The following MAST2 variants were observed in gnomAD, a reference collection of about 807,000 sequenced individuals.
The protein encoded by MAST2 is microtubule associated serine/threonine kinase 2.
Under a neutral mutation model 147.4 loss-of-function variants are expected in MAST2, and 70 were observed. The ratio of observed to expected loss-of-function variants is 0.47; its 90% CI spans 0.39 to 0.58. The LOEUF (loss-of-function observed/expected upper bound fraction) is 0.58. MAST2 is among the 20% of genes least tolerant of loss of function. The pLI is 0.00. For missense variants in MAST2, 2,080 were observed against 2,302.3 expected, an observed-to-expected ratio of 0.90 and a Z score of 1.98; for synonymous variants, 869 against 896.8, an observed-to-expected ratio of 0.97 and a Z score of 0.55.
intron 5 of MAST2, among the ~76,000 whole-genome samples, chr1:45,964,641 A>G (rs1557973931): frequency 6.6e-6 from 1 of 151,912 alleles, no homozygotes; most frequent in Non-Finnish European, 1.5e-5. Flanking sequence ...CAGTCTATCA[A>G]TTTTGTTGAT....
chr1:46,006,494 T>G, intron 8 of MAST2, 99 bp downstream of exon 8: 2 of 1,203,878 alleles, frequency 1.7e-6, no homozygotes, highest in South Asian at 2.1e-5. Flanking sequence ...GCCAAGATAG[T>G]AAATATTTTT....
At chr1:45,884,898 A>G (rs1647016349) in intron 4 of MAST2, among the ~76,000 whole-genome samples, 1 of 152,186 alleles carries the variant, frequency 6.6e-6, no homozygotes, top group Non-Finnish European at 1.5e-5. Context: ...CTCTATGCTT[A>G]GTCATCTCCC....
intron 4 of MAST2, among the ~76,000 whole-genome samples, chr1:45,937,602 A>C (rs779048661): frequency 5.3e-5 from 8 of 151,926 alleles, no homozygotes; most frequent in Non-Finnish European, 8.8e-5. Context: ...ATACAAAAAA[A>C]TTAGCCGGGT....
In MAST2 at chr1:46,019,609, C is replaced by G. The variant is rs777061843; in HGVS notation, c.1202C>G (p.Ser401Ter). Residue 401 changes from serine (S) to a stop codon, truncating the protein, a stop_gained, in exon 11 of 29, where the codon TCA (serine) becomes TGA (stop). Coordinates refer to ENST00000361297, the MANE Select transcript of MAST2 (RefSeq NM_015112.3). LOFTEE classifies it high-confidence loss of function. ...TTTTCTCTATAGGCTCATGAGCGCT[C>G]AGAGAGCTCAGAAGTGGCTTTTGTG... ...EKLLQDAHER[S>*]ESSEVAFVMQ... 6.2e-7 allele frequency: 1 copy of G among 1,613,994 alleles called. No homozygotes were observed. The highest frequency in any genetic ancestry group is 8.5e-7 in the Non-Finnish European group (1 of 1,179,948).
chr1:45,986,610 C>A (rs928481732), intron 5 of MAST2, among the ~76,000 whole-genome samples: 1 of 149,186 alleles, frequency 6.7e-6, no homozygotes, highest in South Asian at 2.1e-4. Flanking sequence ...CCCAGCTACT[C>A]AGAGGCTGAG....
chr1:45,958,846 A>G (rs1465930550), intron 4 of MAST2, among the ~76,000 whole-genome samples: 1 of 152,220 alleles, frequency 6.6e-6, no homozygotes, highest in East Asian at 1.9e-4. Flanking sequence ...ACCAGAAGAA[A>G]AAGCTTCAGA....
At chr1:45,919,801 T>G (rs1369925991) in intron 4 of MAST2, among the ~76,000 whole-genome samples, 16 of 152,194 alleles carry the variant, frequency 1.1e-4, no homozygotes, top group East Asian at 1.9e-4. Flanking sequence ...GTTTTTTTTT[T>G]TTTTTTTCAT....
chr1:46,003,756 C>A (rs995989362), intron 7 of MAST2, among the ~76,000 whole-genome samples: 6 of 152,138 alleles, frequency 3.9e-5, no homozygotes, highest in African/African-American at 1.4e-4. Flanking sequence ...CGTGAACTGC[C>A]ACACCCAGCC....
At chr1:45,871,853 A>G (rs987091932) in intron 3 of MAST2, among the ~76,000 whole-genome samples, 10 of 152,234 alleles carry the variant, frequency 6.6e-5, no homozygotes, top group Admixed American at 2.0e-4. Context: ...AGTTATATCA[A>G]GAGACATATA....
intron 11 of MAST2, 69 bp downstream of exon 11, chr1:46,019,766 C>T: frequency 7.5e-7 from 1 of 1,327,410 alleles, no homozygotes; most frequent in Non-Finnish European, 1.1e-6. Context: ...ATCCTGATGA[C>T]AGCAAAACTG....
intron 2 of MAST2, among the ~76,000 whole-genome samples, chr1:45,828,506 A>G (rs1053712515): frequency 6.6e-6 from 1 of 152,232 alleles, no homozygotes; most frequent in African/African-American, 2.4e-5. Flanking sequence ...TCAAATAGTA[A>G]GGAGCCATCA....
intron 3 of MAST2, among the ~76,000 whole-genome samples, chr1:45,835,360 C>T (rs369025974): frequency 1.2e-4 from 19 of 152,170 alleles, no homozygotes; most frequent in Middle Eastern, 6.8e-3. Flanking sequence ...CGTTAGAAAA[C>T]AATTCTACTA....
intron 1 of MAST2, among the ~76,000 whole-genome samples, chr1:45,805,051 C>CTTTT (rs1179981815): frequency 2.3e-5 from 1 of 43,806 alleles, no homozygotes. Flanking sequence ...TTTCCTTAGA[C>CTTTT]ATTTTTTTTT....
At chr1:45,931,486 C>G (rs1206692502) in intron 4 of MAST2, among the ~76,000 whole-genome samples, 2 of 150,280 alleles carry the variant, frequency 1.3e-5, no homozygotes, top group Non-Finnish European at 3.0e-5. Context: ...CCACCCCAGC[C>G]TCTTTTGTTG....
intron 24 of MAST2, 97 bp from the exon 25 acceptor site, chr1:46,032,079 GCT>G (rs375603616): frequency 7.6e-6 from 7 of 920,918 alleles, no homozygotes; most frequent in Non-Finnish European, 1.1e-5. Context: ...CTAGGCTCAG[GCT>G]CTGTCTGTGA....
chr1:45,824,678 G>A, intron 2 of MAST2, 98 bp downstream of exon 2: 1 of 1,272,208 alleles, frequency 7.9e-7, no homozygotes, highest in South Asian at 1.6e-5. Context: ...TTTCTTCTCT[G>A]GTAGTAGTCT....
chr1:45,935,053 G>T (rs1016356591), intron 4 of MAST2, among the ~76,000 whole-genome samples: 1 of 152,018 alleles, frequency 6.6e-6, no homozygotes, highest in Non-Finnish European at 1.5e-5. Context: ...CTGCAGTCTC[G>T]CCAGCATCCA....
intron 5 of MAST2, among the ~76,000 whole-genome samples, chr1:45,977,808 A>AG (rs1250702473): frequency 6.6e-6 from 1 of 151,690 alleles, no homozygotes; most frequent in Non-Finnish European, 1.5e-5. Context: ...CTCAAAAAAA[A>AG]AAAAAAAAGT....
intron 4 of MAST2, among the ~76,000 whole-genome samples, chr1:45,900,195 A>AAAAAAAAAAAAAAAAAAAATT (rs1553226994): frequency 9.7e-5 from 9 of 93,184 alleles, no homozygotes; most frequent in African/African-American, 4.2e-4. Flanking sequence ...AAAAAAAAAA[A>AAAAAAAAAAAAAAAAAAAATT]GATTTACCCT....
Sources: gnomAD v4.1 joint callset for allele counts (sites outside exome capture counted in the v4.1 genomes callset) on GRCh38, gnomAD v4.1.1 for gene constraint, MANE v1.5 for transcripts, NCBI Gene and HGNC (gene_info 2026-07-23, HGNC 2026-07-21) for gene names.